The following TMEM132C variants were observed in gnomAD, a reference collection of about 807,000 sequenced individuals.
The protein encoded by TMEM132C is protein phosphatase 1, regulatory subunit 152.
Under a neutral mutation model 61.4 loss-of-function variants are expected in TMEM132C, and 29 were observed. That is an observed-to-expected ratio of 0.47 (90% CI 0.35 to 0.64). The LOEUF is 0.64. Ranked by LOEUF, TMEM132C falls within the 30% of genes least tolerant of loss-of-function variation. TMEM132C has a pLI of 0.00. For missense variants in TMEM132C, 1,408 were observed against 1,476.9 expected (o/e 0.95, Z 0.76); for synonymous variants, 656 against 633.1 (o/e 1.04, Z -0.54).
At chr12:128,428,481 T>G (rs764660512) in intron 2 of TMEM132C, among the ~76,000 whole-genome samples, 1 of 152,216 alleles carries the variant, frequency 6.6e-6, no homozygotes, top group Non-Finnish European at 1.5e-5. Context: ...TTGTCTCAGC[T>G]TGGTATGAGT....
intron 2 of TMEM132C, among the ~76,000 whole-genome samples, chr12:128,459,884 CAAAAAA>C (rs71069569): frequency 3.6e-5 from 3 of 82,194 alleles, no homozygotes; most frequent in African/African-American, 5.1e-5. Flanking sequence ...GACTCTGTCT[CAAAAAA>C]AAAAAAAAAA....
At chr12:128,606,285 C>A (rs1876421797) in intron 3 of TMEM132C, among the ~76,000 whole-genome samples, 1 of 152,244 alleles carries the variant, frequency 6.6e-6, no homozygotes, top group Non-Finnish European at 1.5e-5. Context: ...AACCATCAGG[C>A]TCTCCAGAGC....
intron 2 of TMEM132C, among the ~76,000 whole-genome samples, chr12:128,447,900 G>A (rs1870044451): frequency 1.0e-5 from 1 of 99,594 alleles, no homozygotes; most frequent in African/African-American, 5.2e-5. Context: ...CTAATTTTTT[G>A]TATTTTTAGT....
At chr12:128,387,920 G>T (rs1874637939) in intron 1 of TMEM132C, among the ~76,000 whole-genome samples, 1 of 152,242 alleles carries the variant, frequency 6.6e-6, no homozygotes. Flanking sequence ...AGGAACCCCA[G>T]ACCCAGCTTG....
chr12:128,664,064 A>AGG (rs1274341676), intron 4 of TMEM132C, among the ~76,000 whole-genome samples: 1,622 of 138,022 alleles, frequency 0.012, 28 homozygotes, highest in African/African-American at 0.034. Flanking sequence ...ACTCACAGGC[A>AGG]CACACACATA....
chr12:128,421,004 T>C (rs1868968093), intron 2 of TMEM132C, among the ~76,000 whole-genome samples: 1 of 152,180 alleles, frequency 6.6e-6, no homozygotes, highest in South Asian at 2.1e-4. Flanking sequence ...CACTGTATTT[T>C]TTCATTGCAG....
At chr12:128,631,225 A>T (rs780530056) in intron 4 of TMEM132C, among the ~76,000 whole-genome samples, 1 of 152,242 alleles carries the variant, frequency 6.6e-6, no homozygotes, top group Non-Finnish European at 1.5e-5. Flanking sequence ...GCGGTCATTG[A>T]ACACTTAAAA....
intron 4 of TMEM132C, among the ~76,000 whole-genome samples, chr12:128,652,329 C>T (rs931903807): frequency 2.6e-5 from 4 of 152,156 alleles, no homozygotes; most frequent in Admixed American, 1.3e-4. Context: ...CCCCTTCCTC[C>T]GGGATGGGAA....
intron 1 of TMEM132C, among the ~76,000 whole-genome samples, chr12:128,297,407 G>A (rs1434233496): frequency 6.6e-6 from 1 of 152,182 alleles, no homozygotes; most frequent in East Asian, 1.9e-4. Context: ...ATGGATTATT[G>A]GATTACTCCT....
chr12:128,516,995 G>A (rs1872738511), intron 2 of TMEM132C, among the ~76,000 whole-genome samples: 1 of 151,450 alleles, frequency 6.6e-6, no homozygotes, highest in African/African-American at 2.4e-5. Flanking sequence ...GCTGAGGCAG[G>A]CGGATCACTT....
chr12:128,590,169 C>T (rs910888937), intron 3 of TMEM132C, among the ~76,000 whole-genome samples: 6 of 152,204 alleles, frequency 3.9e-5, no homozygotes, highest in Admixed American at 2.0e-4. Flanking sequence ...CACGTGTACC[C>T]GTTGGAGGGC....
intron 5 of TMEM132C, among the ~76,000 whole-genome samples, chr12:128,692,510 A>G (rs1954727468): frequency 6.6e-6 from 1 of 152,104 alleles, no homozygotes. Flanking sequence ...CTTGGTTTCT[A>G]TTTTCAGTTT....
chr12:128,652,822 TAACTTTG>T (rs1263423568), intron 4 of TMEM132C, among the ~76,000 whole-genome samples: 1 of 152,260 alleles, frequency 6.6e-6, no homozygotes, highest in Non-Finnish European at 1.5e-5. Context: ...GGGATTATTC[TAACTTTG>T]TCAGTTCACC....
chr12:128,513,720 T>G (rs1046466953), intron 2 of TMEM132C, among the ~76,000 whole-genome samples: 8 of 152,214 alleles, frequency 5.3e-5, no homozygotes, highest in Non-Finnish European at 1.2e-4. Flanking sequence ...TAGAGAGATT[T>G]CTTTTTACTG....
intron 2 of TMEM132C, among the ~76,000 whole-genome samples, chr12:128,504,985 G>A (rs982760187): frequency 4.6e-5 from 7 of 151,694 alleles, no homozygotes; most frequent in East Asian, 3.9e-4. Flanking sequence ...ACTACTTTAC[G>A]TAGTAAGTAA....
chr12:128,368,004 A>G (rs1480510807), intron 1 of TMEM132C, among the ~76,000 whole-genome samples: 8 of 152,196 alleles, frequency 5.3e-5, no homozygotes, highest in Admixed American at 2.0e-4. Context: ...GAGGTCAGAT[A>G]ATAAAGGACA....
At chr12:128,487,613 A>C (rs960873555) in intron 2 of TMEM132C, among the ~76,000 whole-genome samples, 1 of 149,030 alleles carries the variant, frequency 6.7e-6, no homozygotes, top group East Asian at 2.0e-4. Context: ...GTATATATAT[A>C]TATATATATA....
rs908865145 is a variant in TMEM132C, at chr12:128,707,773, A to C, written c.*1478A>C. The C allele has an allele frequency of 3.3e-5, 5 of 152,328 alleles. No homozygotes were observed. In the East Asian group the frequency reaches 9.7e-4, roughly 29 times the overall value. 9.4% of individuals were successfully genotyped at this position (152,328 alleles called of 1,614,324 possible). On this transcript the variant is annotated 3_prime_UTR_variant, in exon 9 of 9. Transcript: ENST00000435159. ...TAATTACTAAAATCAGTAGCTAAGA[A>C]AGGGTCCTTGAAGCCTCCTAACCTG...
At chr12:128,344,756 A>T (rs1244434174) in intron 1 of TMEM132C, among the ~76,000 whole-genome samples, 2 of 152,126 alleles carry the variant, frequency 1.3e-5, no homozygotes, top group African/African-American at 2.4e-5. Context: ...TATCACCTAT[A>T]GGTGCATGAA....
Sources: allele counts gnomAD v4.1 joint callset (sites outside exome capture counted in the v4.1 genomes callset), GRCh38; gene constraint gnomAD v4.1.1; transcripts MANE v1.5; gene names NCBI Gene and HGNC (gene_info 2026-07-23, HGNC 2026-07-21).